The following YWHAE variants were observed in gnomAD, a reference collection of about 807,000 sequenced individuals.
YWHAE encodes 14-3-3 protein epsilon.
In YWHAE, 4 loss-of-function variants were observed where a neutral mutation model predicts 30.1. The observed-to-expected ratio is 0.13, with a 90% CI of 0.07 to 0.30. The LOEUF (loss-of-function observed/expected upper bound fraction) is 0.30, where lower values mean the gene tolerates loss of function less well. YWHAE is among the 10% of genes least tolerant of loss of function. YWHAE has a pLI of 1.00. For missense variants in YWHAE, 121 were observed against 315.9 expected, an observed-to-expected ratio of 0.38 and a Z score of 4.68; for synonymous variants, 118 against 111.8, an observed-to-expected ratio of 1.06 and a Z score of -0.35.
chr17:1,365,199 G>C, intron 1 of YWHAE, 141 bp from the exon 2 acceptor site: 1 of 986,670 alleles, frequency 1.0e-6, no homozygotes, highest in Middle Eastern at 2.2e-4. Context: ...AAACTAATAT[G>C]AGTAAAAAGC....
intron 4 of YWHAE, among the ~76,000 whole-genome samples, chr17:1,359,025 A>C (rs980639245): frequency 1.3e-5 from 2 of 151,868 alleles, no homozygotes; most frequent in Non-Finnish European, 2.9e-5. Context: ...AATCCCAGCT[A>C]CTTTGGATGC....
intron 1 of YWHAE, chr17:1,399,580 T>C: frequency 5.2e-6 from 1 of 191,144 alleles, no homozygotes; most frequent in Non-Finnish European, 1.1e-5. Context: ...ACCCGCCATA[T>C]TTCCCTGAAA....
chr17:1,396,793 T>G (rs2073478712), intron 1 of YWHAE, among the ~76,000 whole-genome samples: 1 of 152,088 alleles, frequency 6.6e-6, no homozygotes. Context: ...CGGCTAATTT[T>G]GTATTTTTAC....
At chr17:1,351,604 C>T (rs948550079) in intron 5 of YWHAE, among the ~76,000 whole-genome samples, 3 of 151,990 alleles carry the variant, frequency 2.0e-5, no homozygotes, top group Admixed American at 1.3e-4. Flanking sequence ...AGCTGTTTGA[C>T]CATTCTTCTT....
intron 1 of YWHAE, among the ~76,000 whole-genome samples, chr17:1,393,590 C>A (rs890007162): frequency 6.6e-6 from 1 of 152,084 alleles, no homozygotes; most frequent in African/African-American, 2.4e-5. Flanking sequence ...CCATCACAGG[C>A]CAGCTAATTT....
At chr17:1,372,711 G>C (rs888291301) in intron 1 of YWHAE, among the ~76,000 whole-genome samples, 8 of 152,172 alleles carry the variant, frequency 5.3e-5, no homozygotes, top group African/African-American at 1.9e-4. Flanking sequence ...CCAATACTTT[G>C]GGAGGCCGAA....
intron 1 of YWHAE, among the ~76,000 whole-genome samples, chr17:1,365,854 C>A (rs1292552328): frequency 6.6e-6 from 1 of 152,118 alleles, no homozygotes; most frequent in South Asian, 2.1e-4. Context: ...GTGGCTCATA[C>A]CCCTAGCACT....
chr17:1,390,310 G>A (rs1365517997), intron 1 of YWHAE, among the ~76,000 whole-genome samples: 1 of 152,124 alleles, frequency 6.6e-6, no homozygotes, highest in Non-Finnish European at 1.5e-5. Context: ...CTTTACTTTG[G>A]ATATGCAAAT....
intron 4 of YWHAE, among the ~76,000 whole-genome samples, chr17:1,355,148 A>ATAAAAAAATT (rs2072717124): frequency 2.6e-5 from 2 of 76,798 alleles, no homozygotes; most frequent in African/African-American, 4.4e-5. Context: ...AAAAAAAAAA[A>ATAAAAAAATT]TTTTTTTTTT....
chr17:1,345,544 T>A lies in YWHAE; in HGVS notation c.716-45A>T, dbSNP rs757370157. 5 of 1,591,772 alleles carry A rather than the reference T, an allele frequency of 3.1e-6. No individual in the cohort carries two copies. In the East Asian group the frequency reaches 8.9e-5, roughly 28 times the overall value. On this transcript the variant is annotated intron_variant, in intron 5 of 5. Coordinates refer to ENST00000264335, the MANE Select transcript of YWHAE (RefSeq NM_006761.5). ...GTCAATTATTTCGTATTGACTACATTAGGCTATGGCAGCCACAAACAAAGG... is the reference window on the plus strand; with the variant it reads ...GTCAATTATTTCGTATTGACTACATAAGGCTATGGCAGCCACAAACAAAGG...
intron 4 of YWHAE, among the ~76,000 whole-genome samples, chr17:1,354,964 GTTTTTTTTTTTTTTTTTTTT>G (rs56351171): frequency 1.3e-4 from 10 of 74,742 alleles, no homozygotes; most frequent in East Asian, 8.1e-4. Flanking sequence ...GCCCAGCCTA[GTTTTTTTTTTTTTTTTTTTT>G]TTTTTTTTTT....
chr17:1,399,817 G>A (rs956316594), intron 1 of YWHAE: 3 of 131,174 alleles, frequency 2.3e-5, no homozygotes, highest in East Asian at 2.5e-4. Flanking sequence ...CCGTCGCCCC[G>A]GCCTCCCGGC....
chr17:1,373,348 A>C (rs2073070252), intron 1 of YWHAE, among the ~76,000 whole-genome samples: 1 of 152,150 alleles, frequency 6.6e-6, no homozygotes, highest in Non-Finnish European at 1.5e-5. Flanking sequence ...TACTGATCAC[A>C]GATAACCACC....
intron 1 of YWHAE, among the ~76,000 whole-genome samples, chr17:1,389,099 G>A (rs1189670744): frequency 6.6e-6 from 1 of 152,052 alleles, no homozygotes; most frequent in Non-Finnish European, 1.5e-5. Flanking sequence ...CCAAGTAGCT[G>A]AGACTACAGA....
chr17:1,358,171 T>C (rs1322166758), intron 4 of YWHAE, among the ~76,000 whole-genome samples: 1 of 152,098 alleles, frequency 6.6e-6, no homozygotes. Context: ...AGAGGATTAC[T>C]TGAGGCCAGG....
At chr17:1,350,991 AGAGGTTGCAGTGAGCC>A (rs2072622292) in intron 5 of YWHAE, among the ~76,000 whole-genome samples, 1 of 151,634 alleles carries the variant, frequency 6.6e-6, no homozygotes, top group Admixed American at 6.6e-5. Flanking sequence ...CCCAGGAGGC[AGAGGTTGCAGTGAGCC>A]GAGATCGCAC....
intron 1 of YWHAE, among the ~76,000 whole-genome samples, chr17:1,375,545 T>A (rs748743063): frequency 6.6e-6 from 1 of 152,188 alleles, no homozygotes; most frequent in East Asian, 1.9e-4. Context: ...ACGGGCAGTT[T>A]TGCTACAGTA....
chr17:1,346,059 T>G (rs749090693), intron 5 of YWHAE, among the ~76,000 whole-genome samples: 1 of 142,326 alleles, frequency 7.0e-6, no homozygotes, highest in Non-Finnish European at 1.5e-5. Flanking sequence ...AATCAGATTT[T>G]ACTTCAGAGT....
At chr17:1,391,277 G>A (rs910596404) in intron 1 of YWHAE, among the ~76,000 whole-genome samples, 1 of 151,394 alleles carries the variant, frequency 6.6e-6, no homozygotes, top group African/African-American at 2.4e-5. Flanking sequence ...TTCTGCCAAA[G>A]GCTAACTTCA....
Sources: allele counts gnomAD v4.1 joint callset (sites outside exome capture counted in the v4.1 genomes callset), GRCh38; gene constraint gnomAD v4.1.1; transcripts MANE v1.5; gene names NCBI Gene and HGNC (gene_info 2026-07-23, HGNC 2026-07-21).